PRP4K: variants seen among roughly 807,000 people sequenced by gnomAD.
PRP4K encodes pre-mRNA processing factor kinase PRP4K.
the PRP4K span, among the ~76,000 whole-genome samples, chr6:4,033,783 C>G: frequency 6.6e-6 from 1 of 152,116 alleles, no homozygotes; most frequent in African/African-American, 2.4e-5. Context: ...AGTGCTGTGT[C>G]TTAAGAGCGT....
the PRP4K span, among the ~76,000 whole-genome samples, chr6:4,042,779 T>C: frequency 2.0e-5 from 3 of 152,204 alleles, no homozygotes; most frequent in Non-Finnish European, 2.9e-5. Context: ...TCTGGTTGTT[T>C]ATACATAGAA....
At chr6:4,028,710 A>T in the PRP4K span, among the ~76,000 whole-genome samples, 2 of 152,198 alleles carry the variant, frequency 1.3e-5, no homozygotes, top group African/African-American at 4.8e-5. Flanking sequence ...CAGAAATGGA[A>T]GTTGGCAATG....
chr6:4,043,567 A>G, the PRP4K span, among the ~76,000 whole-genome samples: 9 of 152,206 alleles, frequency 5.9e-5, no homozygotes, highest in African/African-American at 1.9e-4. Context: ...ATGGTGCCTC[A>G]TCTGATCAGG....
At chr6:4,062,979 T>A in the PRP4K span, 1 of 152,600 alleles carries the variant, frequency 6.6e-6, no homozygotes, top group Non-Finnish European at 1.5e-5. This position sits in a 1 kb window ranked among gnomAD's most constrained non-coding sequence, Gnocchi z 4.2. Flanking sequence ...ATTTTTTAAG[T>A]AAGTTCCACT....
chr6:4,057,336 T>G, the PRP4K span: 1 of 798,376 alleles, frequency 1.3e-6, no homozygotes, highest in Non-Finnish European at 1.9e-6. Context: ...TCTTTCCCTT[T>G]TCTGGTGTTT....
the PRP4K span, among the ~76,000 whole-genome samples, chr6:4,048,378 CAAA>C: frequency 8.1e-5 from 8 of 98,876 alleles, no homozygotes; most frequent in Non-Finnish European, 6.0e-5. Context: ...GACTCCGTCT[CAAA>C]AAAAAAAAAA....
the PRP4K span, among the ~76,000 whole-genome samples, chr6:4,030,231 C>G: frequency 6.6e-6 from 1 of 152,200 alleles, no homozygotes; most frequent in African/African-American, 2.4e-5. Context: ...ACGTGAGCCA[C>G]CATGCCTGGC....
chr6:4,052,710 C>A, the PRP4K span: 8 of 1,504,450 alleles, frequency 5.3e-6, no homozygotes, highest in Non-Finnish European at 7.1e-6. Context: ...TTTTAATTTT[C>A]TCCTAAAAGC....
chr6:4,042,709 AT>A, the PRP4K span: 1 of 604,748 alleles, frequency 1.7e-6, no homozygotes, highest in Non-Finnish European at 2.7e-6. Flanking sequence ...GTTTGAAAAA[AT>A]GATCTTTTTT....
chr6:4,031,491 A>T, the PRP4K span: 1 of 1,245,158 alleles, frequency 8.0e-7, no homozygotes, highest in Middle Eastern at 2.5e-4. Flanking sequence ...CATTACTGTT[A>T]TTTTCTTATG....
chr6:4,026,303 CTTTT>C, the PRP4K span, among the ~76,000 whole-genome samples: 3 of 118,882 alleles, frequency 2.5e-5, no homozygotes, highest in Non-Finnish European at 5.3e-5. Flanking sequence ...TGTGCCCAGC[CTTTT>C]TTTTTTTTTT....
chr6:4,029,341 T>A, the PRP4K span, among the ~76,000 whole-genome samples: 105 of 17,562 alleles, frequency 6.0e-3, no homozygotes, highest in Middle Eastern at 0.024. Flanking sequence ...GTTACTCAAT[T>A]TTTTTTTTTT....
the PRP4K span, chr6:4,032,189 A>T: frequency 6.2e-7 from 1 of 1,613,964 alleles, no homozygotes; most frequent in South Asian, 1.1e-5. Context: ...AAAAATCTAA[A>T]AGCCCATCCA....
At chr6:4,049,793 T>C in the PRP4K span, 1 of 1,613,798 alleles carries the variant, frequency 6.2e-7, no homozygotes, top group Admixed American at 1.7e-5. Flanking sequence ...CTGGGCAAGG[T>C]GTATTCAGTA....
the PRP4K span, chr6:4,049,661 G>C: frequency 7.0e-7 from 1 of 1,434,312 alleles, no homozygotes; most frequent in Admixed American, 2.0e-5. Flanking sequence ...TTAAATGACT[G>C]CACTGTGTTT....
At chr6:4,026,282 G>A in the PRP4K span, among the ~76,000 whole-genome samples, 1 of 150,502 alleles carries the variant, frequency 6.6e-6, no homozygotes, top group African/African-American at 2.4e-5. Context: ...AGGATTACAG[G>A]TGTGAGCCAC....
the PRP4K span, among the ~76,000 whole-genome samples, chr6:4,042,859 G>A: frequency 1.3e-5 from 2 of 152,074 alleles, no homozygotes; most frequent in East Asian, 1.9e-4. Flanking sequence ...TAATGAACAC[G>A]TATGAGTATA....
chr6:4,063,374 A>C, the PRP4K span: 3 of 152,196 alleles, frequency 2.0e-5, no homozygotes, highest in African/African-American at 7.2e-5. Flanking sequence ...GAGATTCCAC[A>C]TAACACATGG....
At chr6:4,033,643 A>G in the PRP4K span, among the ~76,000 whole-genome samples, 1 of 152,206 alleles carries the variant, frequency 6.6e-6, no homozygotes, top group East Asian at 1.9e-4. Flanking sequence ...CTTATACTAT[A>G]TAAGGATGTT....
Sources: gnomAD v4.1 joint callset for allele counts (sites outside exome capture counted in the v4.1 genomes callset) on GRCh38, gnomAD v4.1.1 for gene constraint, Gnocchi (gnomAD v3.1) non-coding constraint, MANE v1.5 for transcripts, NCBI Gene and HGNC (gene_info 2026-07-23, HGNC 2026-07-21) for gene names.